Variants in CRPPA observed in about 807,000 individuals in gnomAD.
CRPPA encodes the protein CDP-L-ribitol pyrophosphorylase A, also known as D-ribitol-5-phosphate cytidylyltransferase.
CRPPA carries 43 observed loss-of-function variants against 52.0 expected under a neutral mutation model. That is an observed-to-expected ratio of 0.83 (90% CI 0.65 to 1.07). The LOEUF is 1.07. Ranked by LOEUF, CRPPA falls within the 50% of genes least tolerant of loss-of-function variation. CRPPA has a pLI of 0.00. For synonymous variants in CRPPA, 250 were observed against 203.5 expected, an observed-to-expected ratio of 1.23 and a Z score of -1.94; for missense variants, 629 against 551.7, an observed-to-expected ratio of 1.14 and a Z score of -1.40.
intron 5 of CRPPA, among the ~76,000 whole-genome samples, chr7:16,295,186 T>C (rs1306955380): frequency 6.6e-6 from 1 of 152,090 alleles, no homozygotes; most frequent in African/African-American, 2.4e-5. Context: ...AAATAAAATA[T>C]GGCATGAGGA....
intron 9 of CRPPA, among the ~76,000 whole-genome samples, chr7:16,129,576 T>C (rs964435523): frequency 2.6e-5 from 4 of 152,160 alleles, no homozygotes; most frequent in African/African-American, 7.2e-5. Context: ...GATATCATGT[T>C]ACATCATCTG....
intron 9 of CRPPA, among the ~76,000 whole-genome samples, chr7:16,196,917 C>T (rs954879810): frequency 2.0e-5 from 3 of 151,550 alleles, no homozygotes; most frequent in Non-Finnish European, 2.9e-5. Context: ...TTTTCATACA[C>T]AAAATAAGCA....
chr7:16,332,795 A>C (rs1300771060), intron 3 of CRPPA, among the ~76,000 whole-genome samples: 1 of 152,196 alleles, frequency 6.6e-6, no homozygotes. Context: ...ACCCAATTAT[A>C]TCAATAATCA....
chr7:16,406,028 C>G lies in CRPPA; in HGVS notation c.534+33G>C, dbSNP rs368947239. On this transcript the variant is annotated intron_variant, in intron 2 of 9. Transcript: ENST00000407010. ...AAATGAACCACACTACAGTGCTTGT[C>G]CCTTCTATCTAGACTCAAGAAAAAA... The G allele has an allele frequency of 6.9e-6, 11 of 1,594,384 alleles. No individual in the cohort carries two copies. In the African/African-American group the frequency reaches 8.0e-5, roughly 12 times the overall value.
chr7:16,360,977 T>G (rs55698830), intron 3 of CRPPA, among the ~76,000 whole-genome samples: 61,486 of 151,782 alleles, frequency 0.41, 12,627 homozygotes, highest in East Asian at 0.47. Flanking sequence ...CCTGAAAAGG[T>G]TTAAGACCTA....
At chr7:16,125,352 C>T (rs565311049) in intron 9 of CRPPA, among the ~76,000 whole-genome samples, 8 of 151,934 alleles carry the variant, frequency 5.3e-5, no homozygotes, top group Admixed American at 1.3e-4. Flanking sequence ...CTCAATTTCT[C>T]CCTTGCCCCC....
At chr7:16,327,908 A>G (rs551917542) in intron 3 of CRPPA, among the ~76,000 whole-genome samples, 6 of 152,148 alleles carry the variant, frequency 3.9e-5, no homozygotes, top group African/African-American at 1.4e-4. Flanking sequence ...CCCAACACCA[A>G]CTTGCTACAA....
At chr7:16,110,981 A>C (rs1186417033) in intron 9 of CRPPA, among the ~76,000 whole-genome samples, 1 of 152,156 alleles carries the variant, frequency 6.6e-6, no homozygotes, top group African/African-American at 2.4e-5. Flanking sequence ...AGGAAGAGAC[A>C]ATCTACAGAT....
intron 2 of CRPPA, among the ~76,000 whole-genome samples, chr7:16,391,441 T>C (rs1326914737): frequency 6.6e-6 from 1 of 152,166 alleles, no homozygotes; most frequent in African/African-American, 2.4e-5. Flanking sequence ...TCTCTTTCAC[T>C]CTTGTCCTTC....
chr7:16,151,469 CTA>C (rs1041831110), intron 9 of CRPPA, among the ~76,000 whole-genome samples: 1 of 152,014 alleles, frequency 6.6e-6, no homozygotes, highest in Non-Finnish European at 1.5e-5. Flanking sequence ...AGCAGAAATA[CTA>C]TGTTGCCTGT....
chr7:16,230,832 G>T (rs1380554109), intron 8 of CRPPA, among the ~76,000 whole-genome samples: 1 of 152,150 alleles, frequency 6.6e-6, no homozygotes, highest in Non-Finnish European at 1.5e-5. Context: ...CCAGAAGCCT[G>T]GGGCTCACTA....
intron 9 of CRPPA, among the ~76,000 whole-genome samples, chr7:16,170,977 G>C (rs1385927667): frequency 3.3e-5 from 5 of 152,212 alleles, no homozygotes; most frequent in African/African-American, 7.2e-5. Context: ...CACAAGAAGA[G>C]GGAAGCCGGC....
rs144511713 is a variant in CRPPA, at chr7:16,209,786, A to T, written c.1251+6280T>A. On this transcript the variant is annotated intron_variant, in intron 9 of 9. Transcript: ENST00000407010. ...AAATATTCATTTCATTAGATTTTTT[A>T]AAAATTTAAGTTTGGTATCTAAAAG... Among the ~76,000 whole-genome samples the T allele has an allele frequency of 2.4e-4, 37 of 152,348 alleles. No homozygotes were observed. In the East Asian group the frequency reaches 6.7e-3, roughly 28 times the overall value.
At chr7:16,305,815 G>C (rs532696703) in intron 4 of CRPPA, among the ~76,000 whole-genome samples, 2 of 152,210 alleles carry the variant, frequency 1.3e-5, no homozygotes, top group African/African-American at 2.4e-5. Flanking sequence ...CAGGGAGTCG[G>C]AGGTTGCAGT....
chr7:16,229,245 T>C (rs865957877), intron 8 of CRPPA, among the ~76,000 whole-genome samples: 1 of 151,956 alleles, frequency 6.6e-6, no homozygotes, highest in African/African-American at 2.4e-5. Context: ...CTACTTTATG[T>C]CTTTTGATTG....
rs186009387 is a variant in CRPPA, at chr7:16,404,918, C to A, written c.534+1143G>T. Among the ~76,000 whole-genome samples the A allele has an allele frequency of 2.2e-3, 329 of 152,250 alleles. 1 individual carries two copies. In the South Asian group the frequency reaches 0.034, roughly 16 times the overall value. On this transcript the variant is annotated intron_variant, in intron 2 of 9. Coordinates refer to ENST00000407010, the MANE Select transcript of CRPPA (RefSeq NM_001101426.4). ...TTTCACTACCTTAAATACCATTTAT[C>A]CTTTTGTTTAAAGGCAAATCAAAAT...
intron 9 of CRPPA, among the ~76,000 whole-genome samples, chr7:16,192,707 T>C (rs1781640151): frequency 6.6e-6 from 1 of 152,156 alleles, no homozygotes; most frequent in Non-Finnish European, 1.5e-5. Flanking sequence ...TTAACCTCCA[T>C]ATTTGTATTT....
At chr7:16,174,834 ATT>A (rs1781262680) in intron 9 of CRPPA, among the ~76,000 whole-genome samples, 1 of 152,196 alleles carries the variant, frequency 6.6e-6, no homozygotes, top group African/African-American at 2.4e-5. Flanking sequence ...GAACCCTTAC[ATT>A]ATTCAGCAAA....
intron 2 of CRPPA, among the ~76,000 whole-genome samples, chr7:16,399,155 T>C (rs115758748): frequency 0.019 from 2,881 of 152,276 alleles, 85 homozygotes; most frequent in African/African-American, 0.066. Context: ...CAAAGCATGA[T>C]TGACACATGA....
Sources: gnomAD v4.1 joint callset for allele counts (sites outside exome capture counted in the v4.1 genomes callset) on GRCh38, gnomAD v4.1.1 for gene constraint, MANE v1.5 for transcripts, NCBI Gene and HGNC (gene_info 2026-07-23, HGNC 2026-07-21) for gene names.